Variants in ARHGAP39 observed in about 807,000 individuals in gnomAD.
ARHGAP39 encodes the protein Rho GTPase activating protein 39.
In ARHGAP39, 44 loss-of-function variants were observed where a neutral mutation model predicts 106.9. The ratio of observed to expected loss-of-function variants is 0.41; its 90% CI spans 0.32 to 0.53. ARHGAP39 has a LOEUF of 0.53. Among genes scored for constraint, ARHGAP39 ranks in the 20% least tolerant of loss-of-function variants. ARHGAP39 has a pLI of 0.21. For missense variants in ARHGAP39, 1,496 were observed against 1,577.3 expected, an observed-to-expected ratio of 0.95 and a Z score of 0.87; for synonymous variants, 768 against 693.2, an observed-to-expected ratio of 1.11 and a Z score of -1.69.
At chr8:144,626,993 CT>C (rs1210954830) in intron 1 of ARHGAP39, among the ~76,000 whole-genome samples, 1 of 152,210 alleles carries the variant, frequency 6.6e-6, no homozygotes, top group Admixed American at 6.5e-5. Flanking sequence ...TTTGTCCCCC[CT>C]GGGGAGAGGA....
chr8:144,548,516 T>TGA lies in ARHGAP39; in HGVS notation c.597-29_597-28dup, dbSNP rs748533484. ...TGCGTGGGGGGTGGACGGGCACAGG[T>TGA]GACTGCCTGCCTGCTGCTTCTGGGC... is the stretch of plus-strand genomic sequence containing the variant. On this transcript the variant is annotated intron_variant, in intron 4 of 11. Transcript: ENST00000377307. This position sits in a 1 kb window ranked among gnomAD's most constrained non-coding sequence, Gnocchi z 7.4. The TGA allele has an allele frequency of 6.3e-7, 1 of 1,596,676 alleles. No homozygotes were observed. Among genetic ancestry groups the TGA allele is most frequent in the South Asian group, 1.1e-5 (1 of 89,568 alleles).
At chr8:144,565,509 C>A (rs542745529) in intron 3 of ARHGAP39, among the ~76,000 whole-genome samples, 1 of 151,740 alleles carries the variant, frequency 6.6e-6, no homozygotes, top group Admixed American at 6.6e-5. Context: ...GGCAATGTGG[C>A]GAAACCCCGT....
chr8:144,678,830 G>A (rs1313002887), intron 1 of ARHGAP39, among the ~76,000 whole-genome samples: 1 of 152,222 alleles, frequency 6.6e-6, no homozygotes, highest in East Asian at 1.9e-4. Flanking sequence ...TCACTGCCCT[G>A]TTTATATCAT....
chr8:144,621,916 G>A (rs943769412), intron 1 of ARHGAP39, among the ~76,000 whole-genome samples: 8 of 152,230 alleles, frequency 5.3e-5, no homozygotes, highest in South Asian at 4.1e-4. Context: ...AGTGCGGGCC[G>A]CACACGCTCA....
At chr8:144,601,783 G>A (rs1482014193) in intron 2 of ARHGAP39, among the ~76,000 whole-genome samples, 1 of 143,472 alleles carries the variant, frequency 7.0e-6, no homozygotes, top group East Asian at 2.2e-4. Flanking sequence ...GTGGAGGCAT[G>A]CGTGTGTGCT....
intron 2 of ARHGAP39, among the ~76,000 whole-genome samples, chr8:144,602,061 G>A (rs137923651): frequency 1.3e-4 from 19 of 146,136 alleles, no homozygotes; most frequent in Middle Eastern, 4.2e-3. Flanking sequence ...GGAGGCATGC[G>A]TGCGTGCTCA....
At chr8:144,658,078 A>G (rs1478497398) in intron 1 of ARHGAP39, among the ~76,000 whole-genome samples, 2 of 152,178 alleles carry the variant, frequency 1.3e-5, no homozygotes, top group East Asian at 3.8e-4. Context: ...GATGATATAT[A>G]TAGGTTATAT....
upstream of ARHGAP39, among the ~76,000 whole-genome samples, chr8:144,689,562 G>A (rs1413472345): frequency 2.7e-5 from 4 of 145,684 alleles, no homozygotes; most frequent in Non-Finnish European, 4.5e-5. Flanking sequence ...TCAGCCTCCC[G>A]AGTAGCTGGG....
intron 1 of ARHGAP39, among the ~76,000 whole-genome samples, chr8:144,652,564 G>C (rs1404046024): frequency 2.0e-5 from 3 of 152,174 alleles, no homozygotes; most frequent in Admixed American, 6.5e-5. Flanking sequence ...AAACACCATA[G>C]AATACTATGC....
chr8:144,558,933 G>A (rs551329749), intron 3 of ARHGAP39, among the ~76,000 whole-genome samples: 1 of 151,978 alleles, frequency 6.6e-6, no homozygotes, highest in Non-Finnish European at 1.5e-5. Context: ...ACTAGGGCCG[G>A]GCACGGTAGC....
intron 3 of ARHGAP39, among the ~76,000 whole-genome samples, chr8:144,576,068 C>T (rs995432543): frequency 6.6e-6 from 1 of 152,148 alleles, no homozygotes; most frequent in Admixed American, 6.5e-5. Flanking sequence ...CATGGTGGCT[C>T]ACGCCTGTAA....
At chr8:144,635,721 T>C (rs1821157095) in intron 1 of ARHGAP39, among the ~76,000 whole-genome samples, 2 of 151,772 alleles carry the variant, frequency 1.3e-5, no homozygotes, top group African/African-American at 4.8e-5. Flanking sequence ...GTGTGGAGAC[T>C]GAATTAGAGG....
intron 1 of ARHGAP39, among the ~76,000 whole-genome samples, chr8:144,619,904 G>C (rs532314265): frequency 3.6e-4 from 53 of 145,552 alleles, no homozygotes; most frequent in South Asian, 1.4e-3. Context: ...ATCCCTGAGA[G>C]AGCGTGTGTG....
At chr8:144,556,086 C>A (rs993038368) in intron 3 of ARHGAP39, among the ~76,000 whole-genome samples, 3 of 152,048 alleles carry the variant, frequency 2.0e-5, no homozygotes, top group Admixed American at 6.6e-5. Context: ...GAGATCGAGA[C>A]CATCCTGGCT....
At chr8:144,549,326 A>AC (rs1369656746) in intron 4 of ARHGAP39, among the ~76,000 whole-genome samples, 1 of 151,984 alleles carries the variant, frequency 6.6e-6, no homozygotes, top group East Asian at 1.9e-4. Flanking sequence ...CCCCTCCACC[A>AC]CCTTCTGTCT....
At chr8:144,605,493 T>G (rs1820250651) in intron 2 of ARHGAP39, 42 bp downstream of exon 2, 1 of 1,601,724 alleles carries the variant, frequency 6.2e-7, no homozygotes, top group East Asian at 2.2e-5. Context: ...TTCCACCCAC[T>G]CGTGAGGCCC....
Position 144,547,943 on chromosome 8 carries a change from G to C in ARHGAP39, c.1143C>G (p.Arg381=). The change falls in exon 5 of 12, where the codon CGC becomes CGG. Residue 381 remains arginine (R), a synonymous_variant. Transcript: ENST00000377307. The surrounding 1 kb of genome is among the most constrained non-coding windows in gnomAD (Gnocchi z 5.2). ...CGGGACTGTACTCCAGGCTCAGGAA[G>C]CGCTCGGGACACTTCTGCTTGGTGA... ...LVLTKQKCPE[R]FLSLEYSPAG... 1 of 1,596,224 alleles carries C rather than the reference G, an allele frequency of 6.3e-7. No individual in the cohort carries two copies. The highest frequency in any genetic ancestry group is 8.5e-7 in the Non-Finnish European group (1 of 1,171,844).
At chr8:144,603,144 T>C (rs1043089523) in intron 2 of ARHGAP39, among the ~76,000 whole-genome samples, 1 of 146,034 alleles carries the variant, frequency 6.8e-6, no homozygotes, top group African/African-American at 2.6e-5. Flanking sequence ...TGTACCTGTG[T>C]GCATGTGCGT....
chr8:144,557,429 G>C (rs35543853), intron 3 of ARHGAP39, among the ~76,000 whole-genome samples: 2 of 78,176 alleles, frequency 2.6e-5, no homozygotes, highest in Admixed American at 3.1e-4. Context: ...GCGGCAAAAG[G>C]CTGAACCTTC....
Sources: gnomAD v4.1 joint callset for allele counts (sites outside exome capture counted in the v4.1 genomes callset) on GRCh38, gnomAD v4.1.1 for gene constraint, Gnocchi (gnomAD v3.1) non-coding constraint, MANE v1.5 for transcripts, NCBI Gene and HGNC (gene_info 2026-07-23, HGNC 2026-07-21) for gene names.